The following DENND5A variants were observed in gnomAD, a reference collection of about 807,000 sequenced individuals.
DENND5A encodes DENN domain containing 5A, also known as DENN domain-containing protein 5A.
Under a neutral mutation model 140.3 loss-of-function variants are expected in DENND5A, and 64 were observed. That is an observed-to-expected ratio of 0.46 (90% CI 0.37 to 0.56). The LOEUF (loss-of-function observed/expected upper bound fraction) is 0.56. DENND5A is among the 20% of genes least tolerant of loss of function. The probability of loss-of-function intolerance (pLI) is 0.00; values close to 1 mark genes in which losing one functional copy is unlikely to be tolerated. For missense variants in DENND5A, 1,292 were observed against 1,593.8 expected (o/e 0.81, Z 3.22); for synonymous variants, 605 against 607.7 (o/e 1.00, Z 0.07).
In DENND5A at chr11:9,139,077, G is replaced by C. The variant is rs1847144076; in HGVS notation, c.*594C>G. The C allele has an allele frequency of 6.6e-6, 1 of 152,616 alleles. No individual in the cohort carries two copies. Among genetic ancestry groups the C allele is most frequent in the African/African-American group, 2.4e-5 (1 of 41,440 alleles). The allele number at this position is 152,616 out of a possible 1,614,324, so 9.5% of individuals were successfully genotyped here. ...GTGAAACTGTGCCAACAGGAAATGT[G>C]GTATTTGGCACGATGACACATCCCG... is the stretch of plus-strand genomic sequence containing the variant. On this transcript the variant is annotated 3_prime_UTR_variant, in exon 23 of 23. Coordinates refer to ENST00000328194, the MANE Select transcript of DENND5A (RefSeq NM_015213.4).
chr11:9,211,240 C>A (rs1467069721), intron 1 of DENND5A, among the ~76,000 whole-genome samples: 1 of 152,036 alleles, frequency 6.6e-6, no homozygotes. Flanking sequence ...GAGGGAGATT[C>A]CAGAGAGAAC....
At chr11:9,207,430 A>G in intron 2 of DENND5A, 131 bp downstream of exon 2, 1 of 651,060 alleles carries the variant, frequency 1.5e-6, no homozygotes, top group Non-Finnish European at 2.7e-6. Flanking sequence ...AGGGATACAA[A>G]TCTGAAAAAT....
At chr11:9,234,278 T>C (rs1850903341) in intron 1 of DENND5A, among the ~76,000 whole-genome samples, 1 of 151,470 alleles carries the variant, frequency 6.6e-6, no homozygotes, top group East Asian at 1.9e-4. Context: ...GAAAGAGAGA[T>C]TCAAAAGTGC....
At chr11:9,202,188 G>A (rs1159484743) in intron 4 of DENND5A, among the ~76,000 whole-genome samples, 5 of 152,156 alleles carry the variant, frequency 3.3e-5, no homozygotes, top group Non-Finnish European at 7.4e-5. Flanking sequence ...TCTATGTCAT[G>A]AAAGACAAAA....
At chr11:9,252,382 C>A (rs969302167) in intron 1 of DENND5A, among the ~76,000 whole-genome samples, 2 of 151,696 alleles carry the variant, frequency 1.3e-5, no homozygotes, top group Non-Finnish European at 2.9e-5. Flanking sequence ...GGTGCAGTGG[C>A]TCATGCCTGT....
chr11:9,203,185 T>C (rs1311068817), intron 4 of DENND5A, among the ~76,000 whole-genome samples: 5 of 152,236 alleles, frequency 3.3e-5, no homozygotes, highest in African/African-American at 9.6e-5. Context: ...ATATGCTGCT[T>C]ACACTCAACC....
intron 12 of DENND5A, among the ~76,000 whole-genome samples, chr11:9,157,761 T>C (rs1399853801): frequency 6.6e-6 from 1 of 152,214 alleles, no homozygotes; most frequent in African/African-American, 2.4e-5. Flanking sequence ...GATCATAACT[T>C]TGCCATTGTG....
intron 10 of DENND5A, among the ~76,000 whole-genome samples, chr11:9,168,648 G>A (rs1848267680): frequency 1.3e-5 from 2 of 151,880 alleles, no homozygotes; most frequent in African/African-American, 4.8e-5. Context: ...AAAAATCCCA[G>A]TGCAACTGTA....
At chr11:9,236,682 G>C (rs771617625) in intron 1 of DENND5A, among the ~76,000 whole-genome samples, 1 of 151,684 alleles carries the variant, frequency 6.6e-6, no homozygotes, top group Non-Finnish European at 1.5e-5. Flanking sequence ...AGGAGTTTGA[G>C]ACCAGCCTGG....
chr11:9,175,401 G>A (rs1025836957), intron 8 of DENND5A: 11 of 152,074 alleles, frequency 7.2e-5, no homozygotes, highest in South Asian at 4.1e-4. Flanking sequence ...CAGAAGACTC[G>A]GTACTGTTAG....
chr11:9,252,540 A>C (rs1851774817), intron 1 of DENND5A, among the ~76,000 whole-genome samples: 1 of 151,766 alleles, frequency 6.6e-6, no homozygotes, highest in Non-Finnish European at 1.5e-5. Flanking sequence ...CCAGCTACTC[A>C]GGAGGCTGAG....
chr11:9,147,424 TCTC>T (rs1361757276), intron 15 of DENND5A, among the ~76,000 whole-genome samples: 1 of 152,132 alleles, frequency 6.6e-6, no homozygotes, highest in Non-Finnish European at 1.5e-5. Context: ...AGTCATGAAA[TCTC>T]CTTTTCTAAA....
intron 5 of DENND5A, among the ~76,000 whole-genome samples, chr11:9,183,155 T>G (rs77598319): frequency 6.6e-6 from 1 of 152,232 alleles, no homozygotes; most frequent in Admixed American, 6.5e-5. Flanking sequence ...TTCATATTTG[T>G]ATATTTATCT....
chr11:9,168,203 T>C (rs11826349), intron 10 of DENND5A, among the ~76,000 whole-genome samples: 8,004 of 151,776 alleles, frequency 0.053, 695 homozygotes, highest in African/African-American at 0.18. Flanking sequence ...AATTCCCACA[T>C]GTTGTGGGAG....
intron 1 of DENND5A, among the ~76,000 whole-genome samples, chr11:9,242,989 G>A (rs1008912839): frequency 2.0e-5 from 3 of 151,184 alleles, no homozygotes; most frequent in Admixed American, 6.6e-5. Context: ...TCGGGAGGTT[G>A]AGGCAGGAAG....
chr11:9,186,926 C>CA lies in DENND5A; in HGVS notation c.1138-5843dup, dbSNP rs959542793. Among the ~76,000 whole-genome samples the CA allele has an allele frequency of 5.9e-5, 9 of 151,786 alleles. No homozygotes were observed. In the East Asian group the frequency reaches 9.7e-4, roughly 16 times the overall value. ...TGAAACCCCGTCTCTACTAAAAACA[C>CA]AAAAAAAATTAGCCAGGCATTGCGG... is the stretch of plus-strand genomic sequence containing the variant. On this transcript the variant is annotated intron_variant, in intron 5 of 22. Coordinates refer to ENST00000328194, the MANE Select transcript of DENND5A (RefSeq NM_015213.4).
At chr11:9,239,506 A>AT (rs1325173580) in intron 1 of DENND5A, among the ~76,000 whole-genome samples, 1 of 150,650 alleles carries the variant, frequency 6.6e-6, no homozygotes, top group African/African-American at 2.4e-5. Flanking sequence ...TCAGCTTTTT[A>AT]TTTTTTGTAG....
chr11:9,215,109 A>T (rs192480187), intron 1 of DENND5A, among the ~76,000 whole-genome samples: 19 of 151,976 alleles, frequency 1.3e-4, no homozygotes, highest in East Asian at 1.9e-4. Flanking sequence ...TTTAAGAGAA[A>T]CCCTGTTACT....
At chr11:9,190,048 TG>T (rs1217526333) in intron 5 of DENND5A, among the ~76,000 whole-genome samples, 1 of 152,220 alleles carries the variant, frequency 6.6e-6, no homozygotes, top group Non-Finnish European at 1.5e-5. Flanking sequence ...CAGACTTGCA[TG>T]GGGCCTGCAG....
Sources: gnomAD v4.1 joint callset for allele counts (sites outside exome capture counted in the v4.1 genomes callset) on GRCh38, gnomAD v4.1.1 for gene constraint, MANE v1.5 for transcripts, NCBI Gene and HGNC (gene_info 2026-07-23, HGNC 2026-07-21) for gene names.